The following TMEM132D variants were observed in gnomAD, a reference collection of about 807,000 sequenced individuals.
TMEM132D encodes the protein mature OL transmembrane protein.
In TMEM132D, 21 loss-of-function variants were observed where a neutral mutation model predicts 62.3. The observed-to-expected ratio is 0.34, with a 90% CI of 0.24 to 0.49. The LOEUF (loss-of-function observed/expected upper bound fraction) is 0.49. Ranked by LOEUF, TMEM132D falls within the 20% of genes least tolerant of loss-of-function variation. The pLI is 0.99. For synonymous variants in TMEM132D, 621 were observed against 575.6 expected, an observed-to-expected ratio of 1.08 and a Z score of -1.13; for missense variants, 1,346 against 1,402.8, an observed-to-expected ratio of 0.96 and a Z score of 0.65.
intron 3 of TMEM132D, among the ~76,000 whole-genome samples, chr12:129,399,933 A>C (rs1399996860): frequency 1.3e-5 from 2 of 151,998 alleles, no homozygotes; most frequent in African/African-American, 4.8e-5. Flanking sequence ...GAATATTTAT[A>C]TTATAGAAGG....
At chr12:129,874,039 GAAGGCTACAAACTTTCTA>G (rs2137379418) in intron 1 of TMEM132D, among the ~76,000 whole-genome samples, 1 of 152,288 alleles carries the variant, frequency 6.6e-6, no homozygotes, top group South Asian at 2.1e-4. Flanking sequence ...GATTACAACA[GAAGGCTACAAACTTTCTA>G]AGATGAATAC....
chr12:129,679,278 T>G (rs1880721452), intron 2 of TMEM132D, among the ~76,000 whole-genome samples: 1 of 152,064 alleles, frequency 6.6e-6, no homozygotes, highest in Non-Finnish European at 1.5e-5. Flanking sequence ...TCAACCTGAA[T>G]TATTAGCAAA....
chr12:129,152,731 C>G (rs571806960), intron 5 of TMEM132D, among the ~76,000 whole-genome samples: 1 of 152,140 alleles, frequency 6.6e-6, no homozygotes, highest in East Asian at 1.9e-4. Context: ...TTCCTGGATG[C>G]CTGACATTGT....
chr12:129,137,688 T>C (rs2135528791), intron 5 of TMEM132D, among the ~76,000 whole-genome samples: 1 of 152,302 alleles, frequency 6.6e-6, no homozygotes, highest in South Asian at 2.1e-4. Context: ...CTTTGCCCCT[T>C]CCTGCTTCAT....
intron 4 of TMEM132D, among the ~76,000 whole-genome samples, chr12:129,328,150 A>G (rs1054132525): frequency 1.3e-5 from 2 of 152,236 alleles, no homozygotes; most frequent in African/African-American, 2.4e-5. Context: ...AGTCTGAAAG[A>G]GCACATCTCA....
chr12:129,482,995 G>A (rs1279294390), intron 3 of TMEM132D, among the ~76,000 whole-genome samples: 2 of 151,008 alleles, frequency 1.3e-5, no homozygotes, highest in African/African-American at 4.9e-5. Context: ...GTGTGTGGAA[G>A]AGGATGCATG....
chr12:129,632,920 T>C (rs571516721), intron 2 of TMEM132D, among the ~76,000 whole-genome samples: 28 of 150,286 alleles, frequency 1.9e-4, no homozygotes, highest in African/African-American at 6.0e-4. Flanking sequence ...AGTCCTCTCT[T>C]TGCTTTGACT....
intron 5 of TMEM132D, among the ~76,000 whole-genome samples, chr12:129,195,734 GT>G (rs575320501): frequency 1.0e-3 from 153 of 152,230 alleles, no homozygotes; most frequent in African/African-American, 3.5e-3. Context: ...AACCACATGT[GT>G]TTTTTTGTGG....
intron 1 of TMEM132D, among the ~76,000 whole-genome samples, chr12:129,753,611 G>C (rs990887457): frequency 2.6e-5 from 4 of 152,016 alleles, no homozygotes; most frequent in African/African-American, 9.7e-5. Flanking sequence ...CAACTTAATT[G>C]AAAAAAGACA....
At chr12:129,410,826 G>A (rs545883013) in intron 3 of TMEM132D, among the ~76,000 whole-genome samples, 4 of 152,244 alleles carry the variant, frequency 2.6e-5, no homozygotes, top group African/African-American at 9.6e-5. Flanking sequence ...GTCTCATGGG[G>A]TTTGTGGTAA....
At chr12:129,315,858 T>C (rs1868473627) in intron 4 of TMEM132D, among the ~76,000 whole-genome samples, 1 of 152,184 alleles carries the variant, frequency 6.6e-6, no homozygotes, top group South Asian at 2.1e-4. Context: ...TTCTTCCTGA[T>C]TTAGGCTAGG....
At chr12:129,410,748 TTTTTAAC>T (rs1046624100) in intron 3 of TMEM132D, among the ~76,000 whole-genome samples, 7 of 152,336 alleles carry the variant, frequency 4.6e-5, no homozygotes, top group African/African-American at 1.2e-4. Flanking sequence ...TTTATATATT[TTTTTAAC>T]TTTTAAGTTC....
intron 1 of TMEM132D, among the ~76,000 whole-genome samples, chr12:129,901,230 T>G (rs1875342159): frequency 6.6e-6 from 1 of 152,210 alleles, no homozygotes; most frequent in Admixed American, 6.5e-5. Context: ...AGTCCATACT[T>G]GATTGCAAGA....
At chr12:129,119,860 G>A (rs1024069851) in intron 5 of TMEM132D, among the ~76,000 whole-genome samples, 2 of 152,092 alleles carry the variant, frequency 1.3e-5, no homozygotes, top group Non-Finnish European at 2.9e-5. Context: ...AAATAAAATA[G>A]GGCAACAAAC....
intron 4 of TMEM132D, among the ~76,000 whole-genome samples, chr12:129,334,355 TA>T (rs1000910823): frequency 1.0e-4 from 15 of 147,610 alleles, no homozygotes; most frequent in Admixed American, 2.0e-4. Context: ...GTGATGGATC[TA>T]AAATTTCTTT....
intron 3 of TMEM132D, among the ~76,000 whole-genome samples, chr12:129,385,369 GT>G (rs1415501267): frequency 1.3e-5 from 2 of 152,050 alleles, no homozygotes; most frequent in Non-Finnish European, 2.9e-5. Flanking sequence ...GCCTCCCAAA[GT>G]GCTGGGATTA....
intron 4 of TMEM132D, among the ~76,000 whole-genome samples, chr12:129,315,174 A>T (rs9943765): frequency 0.21 from 32,133 of 151,924 alleles, 4,272 homozygotes; most frequent in East Asian, 0.41. Flanking sequence ...GGATTTGCAG[A>T]ACTATGTTGA....
intron 5 of TMEM132D, among the ~76,000 whole-genome samples, chr12:129,164,901 A>C (rs1877500746): frequency 6.6e-6 from 1 of 152,218 alleles, no homozygotes. Context: ...TTTACTAGAG[A>C]ACAATCAAAA....
chr12:129,479,563 T>C (rs535930658), intron 3 of TMEM132D, among the ~76,000 whole-genome samples: 1 of 152,330 alleles, frequency 6.6e-6, no homozygotes, highest in East Asian at 1.9e-4. Flanking sequence ...ATGCCTGTCC[T>C]CATGGTGATT....
Sources: allele counts gnomAD v4.1 joint callset (sites outside exome capture counted in the v4.1 genomes callset), GRCh38; gene constraint gnomAD v4.1.1; transcripts MANE v1.5; gene names NCBI Gene and HGNC (gene_info 2026-07-23, HGNC 2026-07-21).